RGS7: variants seen among roughly 807,000 people sequenced by gnomAD.
RGS7 encodes the protein regulator of G-protein signaling 7.
A neutral mutation model predicts 81.1 loss-of-function variants in RGS7; 27 were observed. The observed-to-expected ratio is 0.33, with a 90% confidence interval of 0.25 to 0.46. The LOEUF (loss-of-function observed/expected upper bound fraction) is 0.46, where lower values mean the gene tolerates loss of function less well. Among genes scored for constraint, RGS7 ranks in the 20% least tolerant of loss-of-function variants. The probability of loss-of-function intolerance (pLI) is 1.00; values close to 1 mark genes in which losing one functional copy is unlikely to be tolerated. For synonymous variants in RGS7, 208 were observed against 207.7 expected, an observed-to-expected ratio of 1.00 and a Z score of -0.01; for missense variants, 396 against 607.4, an observed-to-expected ratio of 0.65 and a Z score of 3.66.
intron 2 of RGS7, among the ~76,000 whole-genome samples, chr1:241,275,814 C>T (rs1015404257): frequency 3.9e-5 from 6 of 152,166 alleles, no homozygotes; most frequent in Admixed American, 2.6e-4. Flanking sequence ...CCATCACTTG[C>T]GTGAACATTA....
Position 240,962,761 on chromosome 1 carries a change from C to T in RGS7, c.226+20318G>A, listed in dbSNP as rs989507125. Among the ~76,000 whole-genome samples, 11 of 152,150 alleles carry T rather than the reference C, an allele frequency of 7.2e-5. No homozygotes were observed. In the East Asian group the frequency reaches 1.5e-3, roughly 21 times the overall value. On this transcript the variant is annotated intron_variant, in intron 4 of 18. Transcript: ENST00000440928. Reference sequence around the variant, plus strand: ...CAGGAGTATGAAGCAAGAGAAGGTTCCAAGCAAAGAAAGCAGCATATGCAA... The same window carrying T: ...CAGGAGTATGAAGCAAGAGAAGGTTTCAAGCAAAGAAAGCAGCATATGCAA...
intron 18 of RGS7, among the ~76,000 whole-genome samples, chr1:240,789,299 G>C (rs1209883574): frequency 6.6e-6 from 1 of 152,176 alleles, no homozygotes; most frequent in African/African-American, 2.4e-5. Flanking sequence ...TCAGGACCAT[G>C]TGATGATTGC....
At chr1:241,056,357 G>A (rs1402106207) in intron 3 of RGS7, among the ~76,000 whole-genome samples, 1 of 152,102 alleles carries the variant, frequency 6.6e-6, no homozygotes, top group Non-Finnish European at 1.5e-5. Flanking sequence ...TTATCACCCT[G>A]TTTCAGCTTC....
At chr1:240,802,369 A>C (rs1204438096) in intron 16 of RGS7, among the ~76,000 whole-genome samples, 1 of 152,170 alleles carries the variant, frequency 6.6e-6, no homozygotes, top group Non-Finnish European at 1.5e-5. Context: ...GTGCTTGGCT[A>C]CCATGCTAGG....
chr1:240,898,833 A>C (rs1669507378), intron 6 of RGS7, among the ~76,000 whole-genome samples: 1 of 152,122 alleles, frequency 6.6e-6, no homozygotes, highest in Admixed American at 6.5e-5. Flanking sequence ...ATTCCTGGAT[A>C]TCCTTGTTAA....
intron 2 of RGS7, among the ~76,000 whole-genome samples, chr1:241,122,017 T>C (rs1391939194): frequency 6.6e-6 from 1 of 152,208 alleles, no homozygotes. Context: ...ATTCTTTTTC[T>C]GAAGGTAATT....
intron 2 of RGS7, among the ~76,000 whole-genome samples, chr1:241,188,013 T>C (rs2072278040): frequency 6.6e-6 from 1 of 152,226 alleles, no homozygotes; most frequent in Admixed American, 6.5e-5. Context: ...AAGGAATAAG[T>C]TGTAGTGTCA....
intron 6 of RGS7, among the ~76,000 whole-genome samples, chr1:240,927,211 C>T (rs757460541): frequency 2.3e-4 from 35 of 152,230 alleles, no homozygotes; most frequent in Non-Finnish European, 4.1e-4. Flanking sequence ...GGACTACAGA[C>T]GTGCGCCACC....
At chr1:240,901,071 G>A (rs981118425) in intron 6 of RGS7, among the ~76,000 whole-genome samples, 3 of 152,312 alleles carry the variant, frequency 2.0e-5, no homozygotes, top group East Asian at 3.9e-4. Flanking sequence ...GCGAGGCTCC[G>A]TGGGTGTGGG....
At chr1:241,265,830 T>C (rs540056983) in intron 2 of RGS7, among the ~76,000 whole-genome samples, 12 of 150,828 alleles carry the variant, frequency 8.0e-5, no homozygotes, top group South Asian at 4.2e-4. Context: ...GTTTTGCTCT[T>C]GTTGCCCAGG....
intron 2 of RGS7, among the ~76,000 whole-genome samples, chr1:241,266,118 A>G (rs1481751118): frequency 6.6e-6 from 1 of 152,114 alleles, no homozygotes; most frequent in African/African-American, 2.4e-5. Flanking sequence ...CATTCAAGAC[A>G]GACTTGTTTC....
chr1:241,249,549 A>T (rs2076728401), intron 2 of RGS7, among the ~76,000 whole-genome samples: 1 of 152,186 alleles, frequency 6.6e-6, no homozygotes. Context: ...TGGCAATTCC[A>T]GACCTTTTTC....
intron 3 of RGS7, among the ~76,000 whole-genome samples, chr1:241,088,910 C>A (rs2063649627): frequency 6.6e-6 from 1 of 150,544 alleles, no homozygotes; most frequent in Non-Finnish European, 1.5e-5. Context: ...ACTCGGGAGG[C>A]TGAGGCAGGA....
At position 241,213,223 on chromosome 1, in the gene RGS7, C is replaced by T. The variant is rs957895692; in HGVS notation, c.79-114461G>A. Among the ~76,000 whole-genome samples the T allele has an allele frequency of 3.9e-5, 6 of 152,184 alleles. No individual in the cohort carries two copies. The East Asian group carries it at 5.8e-4, about 15-fold the overall frequency. The stretch of plus-strand genomic sequence containing the variant: ...GGTATGAGACTTTGTAGTGTCATGA[C>T]TGACCGTAAATCTCACTGGCAGTAG... On this transcript the variant is annotated intron_variant, in intron 2 of 18. Transcript: ENST00000440928.
chr1:240,933,162 G>T (rs963572391), intron 5 of RGS7, among the ~76,000 whole-genome samples: 8 of 151,872 alleles, frequency 5.3e-5, no homozygotes, highest in Middle Eastern at 3.4e-3. Flanking sequence ...GATTACAGGT[G>T]TGAGCCACCG....
intron 3 of RGS7, among the ~76,000 whole-genome samples, chr1:241,024,649 A>C (rs2059701652): frequency 6.6e-6 from 1 of 152,226 alleles, no homozygotes; most frequent in Non-Finnish European, 1.5e-5. Context: ...TGGAAGAATA[A>C]ATTATGGAGC....
At chr1:240,881,023 T>C (rs1572566102) in intron 6 of RGS7, among the ~76,000 whole-genome samples, 1 of 152,204 alleles carries the variant, frequency 6.6e-6, no homozygotes, top group Admixed American at 6.5e-5. Context: ...TTTGTAATTA[T>C]ATTTATGCTG....
At chr1:241,068,454 AG>A (rs1309613555) in intron 3 of RGS7, among the ~76,000 whole-genome samples, 1 of 151,640 alleles carries the variant, frequency 6.6e-6, no homozygotes, top group East Asian at 1.9e-4. Flanking sequence ...CAGGTACTAC[AG>A]TAATACATTA....
At chr1:241,099,605 G>A (rs751498706) in intron 2 of RGS7, among the ~76,000 whole-genome samples, 12 of 152,170 alleles carry the variant, frequency 7.9e-5, no homozygotes, top group Non-Finnish European at 1.5e-4. Context: ...GTGGAATTTA[G>A]TTTTGAAGAA....
Sources: gnomAD v4.1 joint callset for allele counts (sites outside exome capture counted in the v4.1 genomes callset) on GRCh38, gnomAD v4.1.1 for gene constraint, MANE v1.5 for transcripts, NCBI Gene and HGNC (gene_info 2026-07-23, HGNC 2026-07-21) for gene names.